Variants in NADSYN1 observed in about 807,000 individuals in gnomAD.
NADSYN1 encodes the protein glutamine-dependent NAD(+) synthetase.
A neutral mutation model predicts 99.3 loss-of-function variants in NADSYN1; 80 were observed. The observed-to-expected ratio is 0.81, with a 90% CI of 0.67 to 0.97. The LOEUF (loss-of-function observed/expected upper bound fraction) is 0.97, where lower values mean the gene tolerates loss of function less well. Ranked by LOEUF, NADSYN1 falls within the 50% of genes least tolerant of loss-of-function variation. The pLI, the probability that NADSYN1 is intolerant of heterozygous loss-of-function variation, is 0.00. For missense variants in NADSYN1, 859 were observed against 948.5 expected, an observed-to-expected ratio of 0.91 and a Z score of 1.24; for synonymous variants, 385 against 372.1, an observed-to-expected ratio of 1.03 and a Z score of -0.40.
intron 3 of NADSYN1, chr11:71,459,528 AGGATGCTGTGCTGGAGTCT>A (rs1353921761): frequency 1.3e-5 from 2 of 154,736 alleles, no homozygotes; most frequent in Non-Finnish European, 2.8e-5. Context: ...CTCCCTATGG[AGGATGCTGTGCTGGAGTCT>A]GTGCTGCGCA....
intron 16 of NADSYN1, among the ~76,000 whole-genome samples, chr11:71,489,992 G>A (rs967789333): frequency 5.3e-5 from 8 of 152,104 alleles, no homozygotes; most frequent in Non-Finnish European, 4.4e-5. Flanking sequence ...GGAGAAGGAC[G>A]GCTGTAACCC....
rs2120471014 is a variant in NADSYN1 at position 71,480,899 on chromosome 11, T to TG, written c.998+23dup. 1 of 1,612,572 alleles carries TG rather than the reference T, an allele frequency of 6.2e-7. No individual in the cohort carries two copies. Among genetic ancestry groups the TG allele is most frequent in the East Asian group, 2.2e-5 (1 of 44,814 alleles). On this transcript the variant is annotated intron_variant, in intron 11 of 20. Coordinates refer to ENST00000319023, the MANE Select transcript of NADSYN1 (RefSeq NM_018161.5). ...GATAAGGTGTGTGGCCCCTGACCCCTGGGAGGGACCTGGCGTCTGTGTGGC... is the reference window on the plus strand; with the variant it reads ...GATAAGGTGTGTGGCCCCTGACCCCTGGGGAGGGACCTGGCGTCTGTGTGGC...
intron 3 of NADSYN1, chr11:71,458,754 A>G (rs1442912167): frequency 3.7e-6 from 2 of 535,778 alleles, no homozygotes; most frequent in Admixed American, 3.2e-5. Flanking sequence ...TGAAAGCAGG[A>G]TGTGTCAGTT....
At chr11:71,459,106 A>G (rs1049909761) in intron 3 of NADSYN1, 1 of 155,418 alleles carries the variant, frequency 6.4e-6, no homozygotes, top group African/African-American at 2.7e-5. Context: ...TGTACCCTGC[A>G]TAGCTGGTCC....
In NADSYN1 at chr11:71,498,332, G is replaced by A. The variant is rs770305028; in HGVS notation, c.1894-20G>A. The A allele has an allele frequency of 5.0e-6, 8 of 1,613,212 alleles. No individual in the cohort carries two copies. In the South Asian group the frequency reaches 5.5e-5, roughly 11 times the overall value. On this transcript the variant is annotated intron_variant, in intron 19 of 20. Coordinates refer to ENST00000319023, the MANE Select transcript of NADSYN1 (RefSeq NM_018161.5). The stretch of plus-strand genomic sequence containing the variant: ...CTCCAGTTTTGGTAACATGAAGCTC[G>A]TGTGTTGCACGCCCACCAGGTCGCT...
intron 5 of NADSYN1, chr11:71,466,744 G>A (rs1180428461): frequency 6.6e-6 from 1 of 152,264 alleles, no homozygotes; most frequent in African/African-American, 2.4e-5. Context: ...GAACCGGAAT[G>A]ACCCTCATAA....
In NADSYN1 at chr11:71,474,416, G is replaced by T. The variant is rs777867611; in HGVS notation, c.688G>T (p.Ala230Ser). 3.1e-6 allele frequency: 5 copies of T among 1,614,160 alleles called. No homozygotes were observed. In the South Asian group the frequency reaches 5.5e-5, roughly 18 times the overall value. Residue 230 changes from alanine (A) to serine (S), a missense_variant, in exon 9 of 21, where the codon GCC (alanine) becomes TCC (serine). Ala to Ser is a moderately conservative substitution (Grantham distance 99). Coordinates refer to ENST00000319023, the MANE Select transcript of NADSYN1 (RefSeq NM_018161.5). ...TCAGAACGGTGGGATTTACTTGCTG[G>T]CCAACCAGAAGGGTTGTGACGGGGA... Reference protein sequence around the residue: ...TSKNGGIYLLANQKGCDGDRL... With the variant: ...TSKNGGIYLLSNQKGCDGDRL...
chr11:71,475,963 C>T (rs1949662910), intron 9 of NADSYN1: 1 of 453,238 alleles, frequency 2.2e-6, no homozygotes, highest in East Asian at 7.0e-5. Flanking sequence ...ATCCACGCAC[C>T]TCAGCCTCCC....
intron 9 of NADSYN1, chr11:71,476,399 C>T: frequency 3.1e-6 from 1 of 321,108 alleles, no homozygotes; most frequent in Admixed American, 4.2e-5. Flanking sequence ...GCTTTGCTCC[C>T]GCTGCGTTCC....
intron 6 of NADSYN1, among the ~76,000 whole-genome samples, chr11:71,472,815 T>A (rs1949636460): frequency 1.3e-5 from 2 of 152,240 alleles, no homozygotes; most frequent in African/African-American, 2.4e-5. Context: ...GTTCTGACAT[T>A]TAAGTGTTAT....
intron 2 of NADSYN1, among the ~76,000 whole-genome samples, chr11:71,457,553 C>T (rs1165766515): frequency 1.3e-5 from 2 of 152,236 alleles, no homozygotes; most frequent in Non-Finnish European, 2.9e-5. Flanking sequence ...CCTGTGGCTG[C>T]CGAAACAGAT....
rs79305112 is a variant in NADSYN1 at position 71,464,305 on chromosome 11, G to A, written c.407+163G>A. On this transcript the variant is annotated intron_variant, in intron 5 of 20. Coordinates refer to ENST00000319023, the MANE Select transcript of NADSYN1 (RefSeq NM_018161.5). ...AGCACAAAGAAAGCCAAAAAAGAATGAAGCAACCAAAGGAGAGAGTGATTG... is the reference window on the plus strand; with the variant it reads ...AGCACAAAGAAAGCCAAAAAAGAATAAAGCAACCAAAGGAGAGAGTGATTG... The A allele has an allele frequency of 0.013, 8,259 of 612,892 alleles. 537 individuals are homozygous for A. The African/African-American group carries it at 0.14, about 10-fold the overall frequency. The allele number at this position is 612,892 out of a possible 1,614,324, so 38.0% of individuals were successfully genotyped here.
At chr11:71,481,114 C>T (rs112506703) in intron 11 of NADSYN1, 8 of 651,272 alleles carry the variant, frequency 1.2e-5, no homozygotes, top group South Asian at 1.9e-5. Flanking sequence ...AGGTGCTGTC[C>T]GTCCATTCTG....
At chr11:71,490,497 G>A (rs948511651) in intron 16 of NADSYN1, among the ~76,000 whole-genome samples, 3 of 152,116 alleles carry the variant, frequency 2.0e-5, no homozygotes, top group Admixed American at 6.5e-5. Flanking sequence ...AGGGGCCCGC[G>A]GCCGCCCGGG....
chr11:71,486,386 C>T (rs1949743387), intron 16 of NADSYN1, among the ~76,000 whole-genome samples: 1 of 152,024 alleles, frequency 6.6e-6, no homozygotes, highest in South Asian at 2.1e-4. Flanking sequence ...TATCCACTCA[C>T]CTGTCCGTTC....
At chr11:71,493,728 T>C (rs1273651438) in intron 18 of NADSYN1, among the ~76,000 whole-genome samples, 1 of 152,260 alleles carries the variant, frequency 6.6e-6, no homozygotes, top group Non-Finnish European at 1.5e-5. Flanking sequence ...TTAGTCCTTA[T>C]GTTTAGGTCT....
Position 71,485,625 on chromosome 11 carries a change from G to T in NADSYN1, c.1539G>T (p.Leu513=), listed in dbSNP as rs1274181160. The part of the protein sequence containing the change: ...SRGVHGGLLV[L]GSANVDESLL... ...GTGTCCACGGTGGGCTCCTCGTGCT[G>T]GGATCCGCCAACGTGGATGAGAGGT... The change falls in exon 16 of 21, where the codon CTG becomes CTT. Residue 513 remains leucine (L), a synonymous_variant. Coordinates refer to ENST00000319023, the MANE Select transcript of NADSYN1 (RefSeq NM_018161.5). The T allele has an allele frequency of 6.4e-7, 1 of 1,556,810 alleles. No homozygotes were observed. Among genetic ancestry groups the T allele is most frequent in the East Asian group, 2.4e-5 (1 of 41,868 alleles).
At chr11:71,453,437 G>C in intron 1 of NADSYN1, 56 bp downstream of exon 1, 1 of 1,494,032 alleles carries the variant, frequency 6.7e-7, no homozygotes, top group Non-Finnish European at 9.2e-7. Flanking sequence ...CACCGTGGCT[G>C]GGCCCAGGCT....
At chr11:71,474,256 C>A in intron 8 of NADSYN1, 139 bp from the exon 9 acceptor site, 1 of 1,112,156 alleles carries the variant, frequency 9.0e-7, no homozygotes, top group Non-Finnish European at 1.3e-6. Context: ...CTTCCCCACA[C>A]ATATGCGTTA....
Sources: allele counts gnomAD v4.1 joint callset (sites outside exome capture counted in the v4.1 genomes callset), GRCh38; gene constraint gnomAD v4.1.1; transcripts MANE v1.5; gene names NCBI Gene and HGNC (gene_info 2026-07-23, HGNC 2026-07-21).